ARC: variants seen among roughly 807,000 people sequenced by gnomAD.
The protein encoded by ARC is activity regulated cytoskeleton associated protein.
In ARC, 10 loss-of-function variants were observed where a neutral mutation model predicts 20.0. That is an observed-to-expected ratio of 0.50 (90% CI 0.31 to 0.85). The LOEUF is 0.85. Ranked by LOEUF, ARC falls within the 40% of genes least tolerant of loss-of-function variation. The pLI is 0.05. For synonymous variants in ARC, 269 were observed against 254.1 expected (o/e 1.06, Z -0.56); for missense variants, 454 against 555.5 (o/e 0.82, Z 1.84).
rs1487639981 is a variant in ARC, at chr8:142,614,293, G to T, written c.-22C>A. 1 of 1,390,012 alleles carries T rather than the reference G, an allele frequency of 7.2e-7. No homozygotes were observed. Among genetic ancestry groups the T allele is most frequent in the East Asian group, 2.7e-5 (1 of 36,506 alleles). The allele number at this position is 1,390,012 out of a possible 1,614,324, so 86.1% of individuals were successfully genotyped here. A position where few individuals can be genotyped will look rare whatever the true frequency, so the allele number is the denominator to read the frequency against. On this transcript the variant is annotated 5_prime_UTR_variant, in exon 1 of 3. In the 5' UTR this introduces an upstream ATG that the reference lacks. Transcript: ENST00000356613. ...CCATCTGTGCGCAGGTGCTCCGGCA[G>T]GCGGCAAACTCCTCGGGGCGGACAG...
Position 142,612,831 on chromosome 8 carries a change from TG to T in ARC, c.*249del. 2.0e-6 allele frequency: 1 copy of T among 489,974 alleles called. No individual in the cohort carries two copies. The highest frequency in any genetic ancestry group is 3.6e-6 in the Non-Finnish European group (1 of 276,056). The allele number at this position is 489,974 out of a possible 1,614,324, so 30.4% of individuals were successfully genotyped here. ...TGTGATGGCCTGAGAGTGTGGAGGGTGGGGTCCAGGCCGGAAAGACAGACGG... is the reference window on the plus strand; with the variant it reads ...TGTGATGGCCTGAGAGTGTGGAGGGTGGGTCCAGGCCGGAAAGACAGACGG... On this transcript the variant is annotated 3_prime_UTR_variant, in exon 1 of 3. Transcript: ENST00000356613.
At position 142,614,471 on chromosome 8, in the gene ARC, G is replaced by A. The variant is rs986228072; in HGVS notation, c.-200C>T. 2.0e-5 allele frequency: 8 copies of A among 393,370 alleles called. No homozygotes were observed. Among genetic ancestry groups the A allele is most frequent in the Non-Finnish European group, 3.5e-5 (8 of 229,632 alleles). The allele number at this position is 393,370 out of a possible 1,614,324, so 24.4% of individuals were successfully genotyped here. On this transcript the variant is annotated 5_prime_UTR_variant, in exon 1 of 3. Transcript: ENST00000356613. ...GCTGCGGAGGGAGGACGCCGCGCCCGAGCTCTGCGCTGAGTCCTGGCCGCC... is the reference window on the plus strand; with the variant it reads ...GCTGCGGAGGGAGGACGCCGCGCCCAAGCTCTGCGCTGAGTCCTGGCCGCC...
Sources: allele counts gnomAD v4.1 joint callset, GRCh38; gene constraint gnomAD v4.1.1; transcripts MANE v1.5; gene names NCBI Gene and HGNC (gene_info 2026-07-23, HGNC 2026-07-21).